The following PROS1 variants were observed in gnomAD, a reference collection of about 807,000 sequenced individuals.
PROS1 encodes vitamin K-dependent protein S.
In PROS1, 29 loss-of-function variants were observed where a neutral mutation model predicts 75.9. That is an observed-to-expected ratio of 0.38 (90% CI 0.28 to 0.52). The LOEUF (loss-of-function observed/expected upper bound fraction) is 0.52, where lower values mean the gene tolerates loss of function less well. Among genes scored for constraint, PROS1 ranks in the 20% least tolerant of loss-of-function variants. The probability of loss-of-function intolerance (pLI) is 0.83; values close to 1 mark genes in which losing one functional copy is unlikely to be tolerated. For synonymous variants in PROS1, 245 were observed against 280.6 expected (o/e 0.87, Z 1.27); for missense variants, 680 against 810.3 (o/e 0.84, Z 1.95).
chr3:93,906,239 ATG>A, intron 4 of PROS1, 96 bp from the exon 5 acceptor site: 1 of 1,356,544 alleles, frequency 7.4e-7, no homozygotes, highest in Non-Finnish European at 1.0e-6. Flanking sequence ...CCTAGAACCA[ATG>A]AAAAAAAAAC....
intron 1 of PROS1, among the ~76,000 whole-genome samples, chr3:93,929,726 A>C (rs1396265378): frequency 6.6e-6 from 1 of 152,234 alleles, no homozygotes; most frequent in Non-Finnish European, 1.5e-5. Context: ...CTAATACAAC[A>C]ATTATATTTG....
chr3:93,920,300 C>T (rs549920628), intron 3 of PROS1, among the ~76,000 whole-genome samples: 1 of 152,110 alleles, frequency 6.6e-6, no homozygotes, highest in Non-Finnish European at 1.5e-5. Context: ...TATAGTATCA[C>T]TCAATTCAAG....
intron 1 of PROS1, among the ~76,000 whole-genome samples, chr3:93,933,494 G>A (rs569042153): frequency 1.3e-5 from 2 of 151,932 alleles, no homozygotes; most frequent in South Asian, 2.1e-4. Context: ...AGGATCGCTT[G>A]AGCCCAGAAG....
intron 6 of PROS1, among the ~76,000 whole-genome samples, chr3:93,905,137 G>A (rs1028087308): frequency 8.5e-5 from 13 of 152,130 alleles, no homozygotes; most frequent in Non-Finnish European, 1.8e-4. Flanking sequence ...CTTACTAGAA[G>A]AGAATAAAAA....
Position 93,973,785 on chromosome 3 carries a change from C to A in PROS1, c.-36G>T. The A allele has an allele frequency of 6.3e-7, 1 of 1,578,386 alleles. No individual in the cohort carries two copies. The highest frequency in any genetic ancestry group is 8.6e-7 in the Non-Finnish European group (1 of 1,158,148). On this transcript the variant is annotated 5_prime_UTR_variant, in exon 1 of 15. Coordinates refer to ENST00000394236, the MANE Select transcript of PROS1 (RefSeq NM_000313.4). The stretch of plus-strand genomic sequence containing the variant: ...GCGGAGGCGCCGGCAGGGACGGTGG[C>A]GCGTCGCGGCGGGGACCGGAGCGCT...
intron 10 of PROS1, among the ~76,000 whole-genome samples, chr3:93,890,528 C>G (rs570372425): frequency 1.9e-4 from 29 of 152,312 alleles, no homozygotes; most frequent in Middle Eastern, 6.8e-3. Flanking sequence ...GTGGGCATCA[C>G]AGTCCTATCG....
intron 12 of PROS1, among the ~76,000 whole-genome samples, chr3:93,884,100 G>T (rs1334007031): frequency 6.6e-6 from 1 of 152,146 alleles, no homozygotes; most frequent in Non-Finnish European, 1.5e-5. Flanking sequence ...CTCATTTCCA[G>T]ACACAAATAT....
intron 1 of PROS1, among the ~76,000 whole-genome samples, chr3:93,944,874 T>C (rs1709353919): frequency 6.6e-6 from 1 of 152,018 alleles, no homozygotes; most frequent in African/African-American, 2.4e-5. Context: ...TAGGAGCTGG[T>C]TTTTTGAAAA....
At chr3:93,874,564 G>A (rs1047888628) in intron 14 of PROS1, among the ~76,000 whole-genome samples, 159 bp from the exon 15 acceptor site, 17 of 152,224 alleles carry the variant, frequency 1.1e-4, no homozygotes, top group African/African-American at 3.6e-4. Flanking sequence ...GTTAAGTGAC[G>A]CCGATATACA....
Position 93,886,624 on chromosome 3 carries a change from T to C in PROS1, c.1156-121A>G, listed in dbSNP as rs571455867. On this transcript the variant is annotated intron_variant, in intron 10 of 14. Coordinates refer to ENST00000394236, the MANE Select transcript of PROS1 (RefSeq NM_000313.4). ...TACTTCTGTAAAGTAATCATTTTAA[T>C]GTAATTATTAATTTGTTACAACTCA... is the stretch of plus-strand genomic sequence containing the variant. 209 of 780,100 alleles carry C rather than the reference T, an allele frequency of 2.7e-4. No individual in the cohort carries two copies. In the African/African-American group the frequency reaches 3.6e-3, roughly 13 times the overall value. 48.3% of individuals were successfully genotyped at this position (780,100 alleles called of 1,614,324 possible).
chr3:93,905,712 C>G, intron 6 of PROS1, 72 bp downstream of exon 6: 1 of 1,534,630 alleles, frequency 6.5e-7, no homozygotes, highest in African/African-American at 1.4e-5. Context: ...CAAAAATTTG[C>G]TAGTAAAATT....
intron 1 of PROS1, among the ~76,000 whole-genome samples, chr3:93,949,434 A>G (rs1382949832): frequency 5.3e-5 from 8 of 152,188 alleles, no homozygotes; most frequent in Non-Finnish European, 1.0e-4. Flanking sequence ...TAAAGACAAA[A>G]TTGAAAAGAA....
At chr3:93,898,271 A>G (rs1174270838) in intron 8 of PROS1, among the ~76,000 whole-genome samples, 177 bp downstream of exon 8, 1 of 152,030 alleles carries the variant, frequency 6.6e-6, no homozygotes, top group Non-Finnish European at 1.5e-5. Flanking sequence ...AATTATCCCC[A>G]ATGTTTATGA....
intron 1 of PROS1, among the ~76,000 whole-genome samples, chr3:93,935,809 A>T (rs1040322453): frequency 1.3e-5 from 2 of 152,156 alleles, no homozygotes; most frequent in African/African-American, 4.8e-5. Flanking sequence ...AAAGGCTTTA[A>T]GACACAGTCT....
chr3:93,970,924 G>A (rs1709870267), intron 1 of PROS1, among the ~76,000 whole-genome samples: 2 of 152,130 alleles, frequency 1.3e-5, no homozygotes, highest in African/African-American at 4.8e-5. Flanking sequence ...CTTGAGGCCA[G>A]GAGTTCAAAG....
At chr3:93,935,483 T>C (rs192077465) in intron 1 of PROS1, among the ~76,000 whole-genome samples, 1 of 152,272 alleles carries the variant, frequency 6.6e-6, no homozygotes, top group Admixed American at 6.5e-5. Context: ...GGGTCTGTAC[T>C]TATGTTTGGA....
intron 1 of PROS1, among the ~76,000 whole-genome samples, chr3:93,960,817 G>A (rs559218210): frequency 7.9e-5 from 12 of 151,540 alleles, no homozygotes; most frequent in African/African-American, 2.7e-4. Context: ...TCAATAATGT[G>A]CTTGTTTCTT....
At chr3:93,938,694 T>C (rs1709229578) in intron 1 of PROS1, among the ~76,000 whole-genome samples, 1 of 152,164 alleles carries the variant, frequency 6.6e-6, no homozygotes, top group African/African-American at 2.4e-5. Flanking sequence ...TTTTTTCCTC[T>C]CTAGTAGAGA....
intron 3 of PROS1, among the ~76,000 whole-genome samples, chr3:93,917,698 C>T (rs1007534448): frequency 2.0e-5 from 3 of 152,126 alleles, no homozygotes; most frequent in African/African-American, 7.2e-5. Flanking sequence ...GCCGGCCCTG[C>T]CAGCAGGGGC....
Sources: gnomAD v4.1 joint callset for allele counts (sites outside exome capture counted in the v4.1 genomes callset) on GRCh38, gnomAD v4.1.1 for gene constraint, MANE v1.5 for transcripts, NCBI Gene and HGNC (gene_info 2026-07-23, HGNC 2026-07-21) for gene names.